KIAA1328: variants seen among roughly 807,000 people sequenced by gnomAD.
KIAA1328 encodes the protein protein hinderin.
KIAA1328 carries 52 observed loss-of-function variants against 68.1 expected under a neutral mutation model. The observed-to-expected ratio is 0.76, with a 90% CI of 0.61 to 0.96. KIAA1328 has a LOEUF of 0.96. Among genes scored for constraint, KIAA1328 ranks in the 40% least tolerant of loss-of-function variants. The pLI is 0.00. For missense variants in KIAA1328, 641 were observed against 677.6 expected (o/e 0.95, Z 0.60); for synonymous variants, 232 against 239.4 (o/e 0.97, Z 0.28).
At chr18:36,870,394 T>G (rs1170789668) in intron 4 of KIAA1328, among the ~76,000 whole-genome samples, 1 of 152,210 alleles carries the variant, frequency 6.6e-6, no homozygotes, top group Non-Finnish European at 1.5e-5. Context: ...CATTGCATCT[T>G]TATTCATTCT....
chr18:37,054,163 G>A (rs2055816860), intron 6 of KIAA1328, among the ~76,000 whole-genome samples: 1 of 152,070 alleles, frequency 6.6e-6, no homozygotes, highest in Non-Finnish European at 1.5e-5. Context: ...GTAAAACCCA[G>A]ATATAGGTTG....
intron 5 of KIAA1328, among the ~76,000 whole-genome samples, chr18:36,887,375 T>C (rs757067583): frequency 1.3e-4 from 20 of 152,118 alleles, no homozygotes; most frequent in African/African-American, 1.7e-4. Context: ...GGCTCCTTTA[T>C]TTCTCACATA....
At chr18:37,194,694 T>C (rs575993134) in intron 9 of KIAA1328, among the ~76,000 whole-genome samples, 95 of 152,330 alleles carry the variant, frequency 6.2e-4, no homozygotes, top group African/African-American at 2.3e-3. Flanking sequence ...AGACAAAGTC[T>C]CTGTCGCCCA....
chr18:37,164,200 T>C (rs777731334), intron 8 of KIAA1328, among the ~76,000 whole-genome samples: 5 of 152,210 alleles, frequency 3.3e-5, no homozygotes, highest in Non-Finnish European at 7.4e-5. Context: ...TCCTACAACA[T>C]TGCTTAACAT....
intron 5 of KIAA1328, among the ~76,000 whole-genome samples, chr18:36,929,741 T>C (rs771965528): frequency 2.0e-5 from 3 of 152,040 alleles, no homozygotes; most frequent in Admixed American, 1.3e-4. Context: ...TGTGGAAATA[T>C]AGGGCCTAGT....
intron 9 of KIAA1328, among the ~76,000 whole-genome samples, chr18:37,186,033 A>G (rs200217015): frequency 6.7e-6 from 1 of 150,146 alleles, no homozygotes; most frequent in East Asian, 2.0e-4. Flanking sequence ...TGTAGCTGAC[A>G]TTGATATACA....
intron 4 of KIAA1328, among the ~76,000 whole-genome samples, chr18:36,873,244 A>G (rs57901563): frequency 0.14 from 20,728 of 152,194 alleles, 1,760 homozygotes; most frequent in Admixed American, 0.18. Flanking sequence ...CAGGTACTTG[A>G]AAATCTCCTT....
intron 4 of KIAA1328, among the ~76,000 whole-genome samples, chr18:36,875,409 A>G (rs926081381): frequency 1.3e-5 from 2 of 151,860 alleles, no homozygotes; most frequent in Non-Finnish European, 2.9e-5. Flanking sequence ...ATTCCTAGGT[A>G]TTTATTCTCT....
At chr18:36,931,423 TCTAA>T (rs1337470461) in intron 5 of KIAA1328, among the ~76,000 whole-genome samples, 2 of 152,014 alleles carry the variant, frequency 1.3e-5, no homozygotes, top group Non-Finnish European at 2.9e-5. Context: ...CTTAGGATAA[TCTAA>T]CTAATGCCTG....
At chr18:37,208,099 G>A (rs1040730573) in intron 9 of KIAA1328, among the ~76,000 whole-genome samples, 1 of 152,166 alleles carries the variant, frequency 6.6e-6, no homozygotes, top group Non-Finnish European at 1.5e-5. Context: ...GTGAGCCACT[G>A]CACCTGGCCA....
At chr18:36,932,528 TTTTA>T (rs1429159854) in intron 5 of KIAA1328, among the ~76,000 whole-genome samples, 1 of 152,204 alleles carries the variant, frequency 6.6e-6, no homozygotes, top group Non-Finnish European at 1.5e-5. Context: ...ATGGCCAAGA[TTTTA>T]TTTAAGTATT....
chr18:37,180,515 A>G (rs1257230171), intron 9 of KIAA1328, among the ~76,000 whole-genome samples: 2 of 152,202 alleles, frequency 1.3e-5, no homozygotes, highest in African/African-American at 2.4e-5. Flanking sequence ...TTGTTTTTAT[A>G]ACTTGATAGA....
intron 6 of KIAA1328, among the ~76,000 whole-genome samples, chr18:37,017,792 T>C (rs1190335311): frequency 6.6e-6 from 1 of 152,194 alleles, no homozygotes; most frequent in Non-Finnish European, 1.5e-5. Flanking sequence ...CTTCTCTTTT[T>C]TTGTTTTCTA....
chr18:37,008,010 T>C (rs1170320679), intron 6 of KIAA1328, among the ~76,000 whole-genome samples: 1 of 152,190 alleles, frequency 6.6e-6, no homozygotes, highest in Non-Finnish European at 1.5e-5. Context: ...CTAAAACTGA[T>C]AGAAATCTTA....
At chr18:36,836,607 T>C (rs1465635327) in intron 3 of KIAA1328, among the ~76,000 whole-genome samples, 1 of 152,130 alleles carries the variant, frequency 6.6e-6, no homozygotes, top group Non-Finnish European at 1.5e-5. Context: ...TTTAGTCAAC[T>C]CTCTTTTTTT....
chr18:36,863,931 T>C (rs899014272), intron 4 of KIAA1328, among the ~76,000 whole-genome samples: 1 of 152,210 alleles, frequency 6.6e-6, no homozygotes, highest in Non-Finnish European at 1.5e-5. Flanking sequence ...GATTCTTTTA[T>C]GTAGACTATC....
intron 5 of KIAA1328, among the ~76,000 whole-genome samples, chr18:36,904,994 C>G (rs1169089691): frequency 6.6e-6 from 1 of 151,820 alleles, no homozygotes; most frequent in African/African-American, 2.4e-5. Flanking sequence ...TTTTCTCTTT[C>G]TGATCATTGT....
At chr18:37,132,507 A>G (rs1247941824) in intron 7 of KIAA1328, among the ~76,000 whole-genome samples, 5 of 152,222 alleles carry the variant, frequency 3.3e-5, no homozygotes, top group Non-Finnish European at 5.9e-5. Context: ...GCATGGGCAG[A>G]AGAGAAGGGC....
At chr18:37,009,793 G>T (rs914966377) in intron 6 of KIAA1328, among the ~76,000 whole-genome samples, 2 of 152,156 alleles carry the variant, frequency 1.3e-5, no homozygotes, top group Non-Finnish European at 1.5e-5. Flanking sequence ...GTCCCTGATG[G>T]CATTGTAAGG....
Sources: gnomAD v4.1 joint callset for allele counts (sites outside exome capture counted in the v4.1 genomes callset) on GRCh38, gnomAD v4.1.1 for gene constraint, MANE v1.5 for transcripts, NCBI Gene and HGNC (gene_info 2026-07-23, HGNC 2026-07-21) for gene names.